Variants in FAM76A observed in about 807,000 individuals in gnomAD.
FAM76A encodes the protein family with sequence similarity 76 member A, also known as protein FAM76A.
FAM76A carries 32 observed loss-of-function variants against 46.2 expected under a neutral mutation model. That is an observed-to-expected ratio of 0.69 (90% CI 0.52 to 0.93). FAM76A has a LOEUF of 0.93. FAM76A is among the 40% of genes least tolerant of loss of function. FAM76A has a pLI of 0.00. For missense variants in FAM76A, 274 were observed against 361.5 expected (o/e 0.76, Z 1.96); for synonymous variants, 137 against 127.0 (o/e 1.08, Z -0.53).
chr1:27,728,242 G>A (rs1234984479), intron 2 of FAM76A, among the ~76,000 whole-genome samples: 3 of 152,172 alleles, frequency 2.0e-5, no homozygotes, highest in Non-Finnish European at 4.4e-5. Context: ...CACAGAGATT[G>A]AAGAATTTAT....
In FAM76A at chr1:27,760,640, A is replaced by G; in HGVS notation, c.*59A>G. On this transcript the variant is annotated 3_prime_UTR_variant, in exon 9 of 9. Transcript: ENST00000373954. ...TGGAGTTGTCCAGGGTTAGGGTTGG[A>G]GACCTGGCTGTTCTGTGGGAATTGC... 2 of 1,261,724 alleles carry G rather than the reference A, an allele frequency of 1.6e-6. No individual in the cohort carries two copies. The highest frequency in any genetic ancestry group is 2.2e-6 in the Non-Finnish European group (2 of 892,066). The allele number at this position is 1,261,724 out of a possible 1,614,324, so 78.2% of individuals were successfully genotyped here.
chr1:27,743,512 T>C (rs1369183311), intron 4 of FAM76A, among the ~76,000 whole-genome samples: 1 of 152,138 alleles, frequency 6.6e-6, no homozygotes, highest in Non-Finnish European at 1.5e-5. Context: ...CGCCTGTAAG[T>C]TCAGCACTTT....
At chr1:27,737,026 C>T (rs1007581620) in intron 4 of FAM76A, among the ~76,000 whole-genome samples, 1 of 152,084 alleles carries the variant, frequency 6.6e-6, no homozygotes, top group East Asian at 1.9e-4. Context: ...CTCGGCTCAC[C>T]ACAACCTCCA....
intron 7 of FAM76A, among the ~76,000 whole-genome samples, chr1:27,758,393 A>G (rs992039394): frequency 3.3e-5 from 5 of 152,246 alleles, no homozygotes; most frequent in African/African-American, 1.2e-4. Context: ...TGGCCCAAGT[A>G]TATTCTCTCC....
chr1:27,748,394 G>A (rs1324465739), intron 5 of FAM76A, among the ~76,000 whole-genome samples: 1 of 151,090 alleles, frequency 6.6e-6, no homozygotes, highest in Non-Finnish European at 1.5e-5. Flanking sequence ...AAAGTGCTGG[G>A]ATTACAGGCG....
At chr1:27,748,018 G>A (rs2088267965) in intron 5 of FAM76A, among the ~76,000 whole-genome samples, 1 of 151,848 alleles carries the variant, frequency 6.6e-6, no homozygotes, top group Non-Finnish European at 1.5e-5. Context: ...ATGTGTCTTG[G>A]TAGATAAGTT....
Position 27,759,779 on chromosome 1 carries a change from G to GTTTTTTTTTTGTT in FAM76A, c.837+163_837+164insTTTTTTTTTTTTG, listed in dbSNP as rs1553179889. ...TCCCCCTTTTAGGTTTTTTTTTTTT[G>GTTTTTTTTTTGTT]TTTTTTTTTTGAGACAGGTTCTCTG... On this transcript the variant is annotated intron_variant, in intron 8 of 8. Coordinates refer to ENST00000373954, the MANE Select transcript of FAM76A (RefSeq NM_152660.3). 16 of 363,594 alleles carry GTTTTTTTTTTGTT rather than the reference G, an allele frequency of 4.4e-5. 1 individual carries two copies. The African/African-American group carries it at 4.6e-4, about 10-fold the overall frequency. The allele number at this position is 363,594 out of a possible 1,614,324, so 22.5% of individuals were successfully genotyped here. A position where few individuals can be genotyped will look rare whatever the true frequency, so the allele number is the denominator to read the frequency against.
chr1:27,740,296 C>A, intron 4 of FAM76A: 3 of 817,290 alleles, frequency 3.7e-6, no homozygotes, highest in South Asian at 1.3e-5. Flanking sequence ...GTTGGCCTTA[C>A]CATCAAACCA....
intron 4 of FAM76A, among the ~76,000 whole-genome samples, chr1:27,737,573 C>T (rs1430326207): frequency 1.3e-5 from 2 of 151,736 alleles, no homozygotes; most frequent in Admixed American, 6.6e-5. Flanking sequence ...AAATCTCGGC[C>T]GGGCACGTTG....
chr1:27,726,177 C>A lies in FAM76A; in HGVS notation c.81+16C>A. On this transcript the variant is annotated intron_variant, in intron 1 of 8. Transcript: ENST00000373954. ...GCTGTGCAAGGTGCGCGGGCTGGGG[C>A]GGCGGCCGGGAACTGGGGACGCAGG... 7.9e-7 allele frequency: 1 copy of A among 1,273,720 alleles called. No individual in the cohort carries two copies. Among genetic ancestry groups the A allele is most frequent in the Non-Finnish European group, 9.9e-7 (1 of 1,009,886 alleles). The allele number at this position is 1,273,720 out of a possible 1,614,324, so 78.9% of individuals were successfully genotyped here.
intron 1 of FAM76A, among the ~76,000 whole-genome samples, chr1:27,726,629 T>A (rs868475100): frequency 0.01 from 1,425 of 140,182 alleles, 31 homozygotes; most frequent in African/African-American, 0.036. Flanking sequence ...CAAGGCTTGA[T>A]TTTTTTTTTT....
chr1:27,726,144 G>T lies in FAM76A; in HGVS notation c.64G>T (p.Gly22Trp), dbSNP rs867203074. ...CTTCCCCTTCGAGGCGCTGTCTCAG[G>T]GGCAGCAGCTGTGCAAGGTGCGCGG... is the stretch of plus-strand genomic sequence containing the variant. ...QRFPFEALSQGQQLCKECRIA... is the reference protein window; with the variant it reads ...QRFPFEALSQWQQLCKECRIA... The change falls in exon 1 of 9, where the codon GGG becomes TGG. Residue 22 changes from glycine to tryptophan, a missense_variant. Gly to Trp is a radical substitution (Grantham distance 184). Transcript: ENST00000373954. 1 of 1,307,996 alleles carries T rather than the reference G, an allele frequency of 7.6e-7. No individual in the cohort carries two copies. Among genetic ancestry groups the T allele is most frequent in the Non-Finnish European group, 9.8e-7 (1 of 1,023,504 alleles). 81.0% of individuals were successfully genotyped at this position (1,307,996 alleles called of 1,614,324 possible).
chr1:27,731,703 T>C (rs2087960653), intron 2 of FAM76A, among the ~76,000 whole-genome samples: 1 of 152,188 alleles, frequency 6.6e-6, no homozygotes, highest in South Asian at 2.1e-4. Context: ...TTTATTTTTT[T>C]TTCCTGCTAG....
chr1:27,744,841 G>A (rs759028773), intron 5 of FAM76A, 30 bp downstream of exon 5: 1 of 1,602,496 alleles, frequency 6.2e-7, no homozygotes, highest in South Asian at 1.1e-5. Flanking sequence ...GATGGGACTA[G>A]AAGTGCTGGT....
At chr1:27,728,375 CAG>C (rs1281462164) in intron 2 of FAM76A, among the ~76,000 whole-genome samples, 1 of 152,088 alleles carries the variant, frequency 6.6e-6, no homozygotes, top group Admixed American at 6.6e-5. Context: ...TTGTTTGAAA[CAG>C]AGTCTCTCTC....
intron 4 of FAM76A, among the ~76,000 whole-genome samples, chr1:27,741,248 A>G (rs887825425): frequency 6.1e-5 from 8 of 131,208 alleles, no homozygotes; most frequent in African/African-American, 2.2e-4. Flanking sequence ...TCCAGGCTGG[A>G]GTACAAGTAG....
In FAM76A at chr1:27,734,072, T is replaced by G; in HGVS notation, c.243T>G (p.Ile81Met). 6.2e-7 allele frequency: 1 copy of G among 1,612,000 alleles called. No individual in the cohort carries two copies. Among genetic ancestry groups the G allele is most frequent in the African/African-American group, 1.3e-5 (1 of 74,794 alleles). ...CQYCNIIAAF[I>M]GNKCQRCTNS... ...ATTGCAACATAATTGCAGCATTTATTGGGAATAAATGCCAGCGCTGCACAA... is the reference window on the plus strand; with the variant it reads ...ATTGCAACATAATTGCAGCATTTATGGGGAATAAATGCCAGCGCTGCACAA... Residue 81 changes from isoleucine (I) to methionine (M), a missense_variant, in exon 4 of 9, where the codon ATT becomes ATG. Ile to Met is a conservative substitution (Grantham distance 10). Transcript: ENST00000373954.
chr1:27,749,441 C>T (rs1271732877), intron 6 of FAM76A, among the ~76,000 whole-genome samples: 1 of 152,168 alleles, frequency 6.6e-6, no homozygotes, highest in Non-Finnish European at 1.5e-5. Flanking sequence ...GATTTTGGCT[C>T]ACTGCAACTT....
At chr1:27,738,182 A>G (rs2088088263) in intron 4 of FAM76A, among the ~76,000 whole-genome samples, 1 of 152,022 alleles carries the variant, frequency 6.6e-6, no homozygotes, top group African/African-American at 2.4e-5. Flanking sequence ...TAACATAGTG[A>G]GACTTTGTCT....
Sources: allele counts gnomAD v4.1 joint callset (sites outside exome capture counted in the v4.1 genomes callset), GRCh38; gene constraint gnomAD v4.1.1; transcripts MANE v1.5; gene names NCBI Gene and HGNC (gene_info 2026-07-23, HGNC 2026-07-21).